Variants in RGS3 observed in about 807,000 individuals in gnomAD.
The protein encoded by RGS3 is regulator of G-protein signalling 3.
RGS3 carries 80 observed loss-of-function variants against 132.6 expected under a neutral mutation model. The observed-to-expected ratio is 0.60, with a 90% CI of 0.50 to 0.73. The LOEUF is 0.73. RGS3 is among the 30% of genes least tolerant of loss of function. The pLI is 0.00. For missense variants in RGS3, 1,382 were observed against 1,530.8 expected (o/e 0.90, Z 1.62); for synonymous variants, 598 against 620.6 (o/e 0.96, Z 0.54).
chr9:113,588,203 G>A (rs1241503657), intron 20 of RGS3, among the ~76,000 whole-genome samples: 1 of 152,204 alleles, frequency 6.6e-6, no homozygotes, highest in East Asian at 1.9e-4. Context: ...CTCCCACGTA[G>A]GTCAGAGATC....
At chr9:113,595,217 G>A in intron 23 of RGS3, 1 of 590,952 alleles carries the variant, frequency 1.7e-6, no homozygotes, top group Non-Finnish European at 3.0e-6. Context: ...GGAGGCCCGT[G>A]GGACCTGTGT....
chr9:113,539,557 C>T, intron 19 of RGS3, among the ~76,000 whole-genome samples: 1 of 152,144 alleles, frequency 6.6e-6, no homozygotes, highest in Non-Finnish European at 1.5e-5. Flanking sequence ...AGTAGCACAC[C>T]TTTGAATGCC....
chr9:113,541,922 C>G (rs1451345206), intron 19 of RGS3: 1 of 945,736 alleles, frequency 1.1e-6, no homozygotes, highest in Non-Finnish European at 1.3e-6. Flanking sequence ...ATGCTAGGAG[C>G]TGGGGATACT....
chr9:113,508,138 G>A (rs955870521), intron 13 of RGS3, among the ~76,000 whole-genome samples: 1 of 152,216 alleles, frequency 6.6e-6, no homozygotes, highest in African/African-American at 2.4e-5. Context: ...AAGGAGCCTA[G>A]TAGAGGCTCT....
At chr9:113,458,709 A>G (rs911246043), upstream of RGS3, among the ~76,000 whole-genome samples, 2 of 152,168 alleles carry the variant, frequency 1.3e-5, no homozygotes, top group African/African-American at 4.8e-5. Context: ...ATGTTGGCCT[A>G]GTTTCGCCAC....
At chr9:113,547,173 G>A (rs1833150618) in intron 19 of RGS3, among the ~76,000 whole-genome samples, 1 of 152,148 alleles carries the variant, frequency 6.6e-6, no homozygotes, top group South Asian at 2.1e-4. Context: ...ATTTCAGAGG[G>A]GAGAATGGGC....
chr9:113,465,224 C>T (rs558457981), intron 3 of RGS3, among the ~76,000 whole-genome samples: 2 of 152,228 alleles, frequency 1.3e-5, no homozygotes, highest in South Asian at 2.1e-4. Flanking sequence ...GAAAGGGTGT[C>T]AGGGAGCTGT....
At chr9:113,465,067 T>A (rs1482107785) in intron 3 of RGS3, among the ~76,000 whole-genome samples, 1 of 151,868 alleles carries the variant, frequency 6.6e-6, no homozygotes, top group Non-Finnish European at 1.5e-5. Context: ...CCATTGCCAT[T>A]CCTTATGCCA....
At chr9:113,483,948 G>T (rs1004941014) in intron 5 of RGS3, among the ~76,000 whole-genome samples, 190 bp from the exon 4 acceptor site, 1 of 152,162 alleles carries the variant, frequency 6.6e-6, no homozygotes, top group Non-Finnish European at 1.5e-5. Context: ...CCTGGCATCT[G>T]CCTCCAATGT....
At chr9:113,530,598 G>A (rs1356210089) in intron 18 of RGS3, among the ~76,000 whole-genome samples, 2 of 152,260 alleles carry the variant, frequency 1.3e-5, no homozygotes, top group African/African-American at 2.4e-5. Context: ...CTGAAAGGAG[G>A]CTCCAGGTTC....
At chr9:113,461,732 C>G in exon 2 of RGS3, 1 of 1,614,046 alleles carries the variant, frequency 6.2e-7, no homozygotes, top group Non-Finnish European at 8.5e-7. Context: ...CACACCTTTG[C>G]CCAATTTTCT....
intron 7 of RGS3, among the ~76,000 whole-genome samples, 180 bp from the exon 6 acceptor site, chr9:113,495,606 A>G (rs1334477480): frequency 1.3e-5 from 2 of 152,294 alleles, no homozygotes; most frequent in African/African-American, 4.8e-5. Flanking sequence ...CCTCTGTAAA[A>G]TGGAGATAAT....
chr9:113,501,687 G>A, intron 10 of RGS3: 1 of 1,495,006 alleles, frequency 6.7e-7, no homozygotes. Context: ...AGGGGTAGAG[G>A]GACCATCTGA....
At chr9:113,527,221 C>T (rs1048864150) in intron 17 of RGS3, among the ~76,000 whole-genome samples, 9 of 152,330 alleles carry the variant, frequency 5.9e-5, no homozygotes, top group Admixed American at 3.9e-4. Context: ...AGGGAGTGTT[C>T]CCCCAACCTC....
chr9:113,522,944 C>G (rs1249449105), exon 17 of RGS3: 1 of 1,613,284 alleles, frequency 6.2e-7, no homozygotes, highest in South Asian at 1.1e-5. Flanking sequence ...CACTGTTTGC[C>G]TATTCGGACC....
chr9:113,583,591 G>A (rs1336695788), exon 20 of RGS3: 4 of 1,614,004 alleles, frequency 2.5e-6, no homozygotes, highest in East Asian at 4.5e-5. Context: ...ACCCAACAAG[G>A]ACTCCCCTTC....
intron 19 of RGS3, among the ~76,000 whole-genome samples, chr9:113,563,146 G>A (rs1033022640): frequency 6.6e-6 from 1 of 152,224 alleles, no homozygotes; most frequent in Non-Finnish European, 1.5e-5. Context: ...GAGCATTGAT[G>A]AATGTATTCT....
At chr9:113,512,386 A>G (rs1831444355) in intron 14 of RGS3, among the ~76,000 whole-genome samples, 1 of 151,542 alleles carries the variant, frequency 6.6e-6, no homozygotes. Flanking sequence ...TGCTCATTCT[A>G]CTCCTCTCTC....
chr9:113,553,196 C>G (rs571757513), intron 19 of RGS3, among the ~76,000 whole-genome samples: 1 of 151,556 alleles, frequency 6.6e-6, no homozygotes, highest in Non-Finnish European at 1.5e-5. Flanking sequence ...AATCACAGCA[C>G]TTTGGGAGGC....
Sources: allele counts gnomAD v4.1 joint callset (sites outside exome capture counted in the v4.1 genomes callset), GRCh38; gene constraint gnomAD v4.1.1; transcripts MANE v1.5; gene names NCBI Gene and HGNC (gene_info 2026-07-23, HGNC 2026-07-21).